FER: variants seen among roughly 807,000 people sequenced by gnomAD.
FER encodes the protein tyrosine-protein kinase Fer.
Under a neutral mutation model 111.0 loss-of-function variants are expected in FER, and 63 were observed. The ratio of observed to expected loss-of-function variants is 0.57; its 90% CI spans 0.46 to 0.70. The LOEUF (loss-of-function observed/expected upper bound fraction) is 0.70. Ranked by LOEUF, FER falls within the 30% of genes least tolerant of loss-of-function variation. FER has a pLI of 0.00. For synonymous variants in FER, 327 were observed against 313.9 expected, an observed-to-expected ratio of 1.04 and a Z score of -0.44; for missense variants, 914 against 954.0, an observed-to-expected ratio of 0.96 and a Z score of 0.55.
At chr5:108,781,511 T>G (rs1023837552) in intron 2 of FER, among the ~76,000 whole-genome samples, 61 of 152,202 alleles carry the variant, frequency 4.0e-4, no homozygotes, top group African/African-American at 1.2e-3. Context: ...TTTTTTGCCT[T>G]TTAGTGTGAC....
chr5:109,129,964 A>G (rs1393334439), intron 17 of FER, among the ~76,000 whole-genome samples: 1 of 152,030 alleles, frequency 6.6e-6, no homozygotes, highest in Non-Finnish European at 1.5e-5. Flanking sequence ...ACCAAATAAT[A>G]GTTGTAGTAT....
chr5:108,924,587 C>T, intron 10 of FER: 2 of 1,228,914 alleles, frequency 1.6e-6, no homozygotes, highest in Non-Finnish European at 2.0e-6. Flanking sequence ...CTTGCTTTTG[C>T]CTCACACAGG....
At chr5:108,780,492 C>T (rs952587590) in intron 2 of FER, among the ~76,000 whole-genome samples, 3 of 151,472 alleles carry the variant, frequency 2.0e-5, no homozygotes, top group African/African-American at 7.3e-5. Context: ...ATTCTCTTTG[C>T]TCTTTGATAG....
chr5:108,878,668 T>C (rs1219019062), intron 8 of FER, among the ~76,000 whole-genome samples: 1 of 152,140 alleles, frequency 6.6e-6, no homozygotes, highest in Non-Finnish European at 1.5e-5. Flanking sequence ...GTGGGGAACA[T>C]CTTTAAGAAA....
At chr5:109,082,443 T>C (rs961346521) in intron 16 of FER, among the ~76,000 whole-genome samples, 18 of 152,040 alleles carry the variant, frequency 1.2e-4, no homozygotes, top group African/African-American at 3.9e-4. Context: ...CTAGATAAAA[T>C]ACATGGATTT....
intron 16 of FER, among the ~76,000 whole-genome samples, chr5:109,061,122 G>A (rs1224342525): frequency 1.3e-5 from 2 of 152,008 alleles, no homozygotes; most frequent in African/African-American, 4.8e-5. Flanking sequence ...GCCTTTATAC[G>A]TGTCATTTTC....
chr5:108,894,683 G>A (rs918507199), intron 9 of FER: 5 of 223,108 alleles, frequency 2.2e-5, no homozygotes, highest in Admixed American at 1.4e-4. Flanking sequence ...AAGGAAAGAG[G>A]TTTAATTGAC....
intron 11 of FER, among the ~76,000 whole-genome samples, chr5:108,951,331 ACTC>A (rs796544572): frequency 5.9e-5 from 9 of 151,938 alleles, no homozygotes; most frequent in African/African-American, 2.2e-4. Flanking sequence ...CTGGTCTTGA[ACTC>A]CTGACTTAAG....
intron 17 of FER, among the ~76,000 whole-genome samples, chr5:109,166,268 G>T (rs574139598): frequency 6.6e-6 from 1 of 151,938 alleles, no homozygotes; most frequent in South Asian, 2.1e-4. Context: ...CTTGGAAGAG[G>T]GAAAATTTAG....
At chr5:108,855,614 T>C (rs62360776) in intron 5 of FER, among the ~76,000 whole-genome samples, 4 of 135,606 alleles carry the variant, frequency 2.9e-5, no homozygotes, top group Non-Finnish European at 6.4e-5. Context: ...AAAAAAAGAA[T>C]ACAAAAGACC....
chr5:108,966,623 T>C (rs1331195999), intron 13 of FER, among the ~76,000 whole-genome samples: 1 of 151,970 alleles, frequency 6.6e-6, no homozygotes, highest in Admixed American at 6.6e-5. Context: ...CGTGACCTCA[T>C]GATCCACCCA....
intron 17 of FER, among the ~76,000 whole-genome samples, chr5:109,125,878 T>C (rs967737596): frequency 6.6e-6 from 1 of 152,228 alleles, no homozygotes; most frequent in Non-Finnish European, 1.5e-5. Flanking sequence ...TTTTTAGGCA[T>C]CACCTGACTG....
chr5:108,789,602 TTTCTTC>T (rs112328583), intron 2 of FER, among the ~76,000 whole-genome samples: 3 of 150,448 alleles, frequency 2.0e-5, no homozygotes, highest in South Asian at 2.1e-4. Flanking sequence ...GAATTTTCTT[TTTCTTC>T]TTCTTCTTTT....
chr5:108,788,600 A>AGT (rs1294963716), intron 2 of FER, among the ~76,000 whole-genome samples: 3 of 149,058 alleles, frequency 2.0e-5, no homozygotes, highest in Non-Finnish European at 4.4e-5. Flanking sequence ...TTGCTTACTT[A>AGT]ATTTCTATCC....
intron 5 of FER, among the ~76,000 whole-genome samples, chr5:108,861,097 A>T (rs1763474226): frequency 6.6e-6 from 1 of 152,200 alleles, no homozygotes; most frequent in Non-Finnish European, 1.5e-5. Flanking sequence ...AAACCATATT[A>T]ACAAGGAATG....
intron 9 of FER, among the ~76,000 whole-genome samples, chr5:108,885,140 C>G (rs545734373): frequency 8.6e-5 from 13 of 152,036 alleles, no homozygotes; most frequent in Non-Finnish European, 1.5e-4. Context: ...ATTTATTACT[C>G]TCTCTCAGAT....
intron 17 of FER, among the ~76,000 whole-genome samples, chr5:109,158,976 A>G (rs10477955): frequency 0.38 from 57,407 of 151,972 alleles, 11,078 homozygotes; most frequent in Non-Finnish European, 0.4. Flanking sequence ...AAAGAATTTT[A>G]TGGGATTATT....
chr5:108,970,171 T>C (rs774194799), intron 13 of FER, among the ~76,000 whole-genome samples: 7 of 148,428 alleles, frequency 4.7e-5, no homozygotes, highest in Non-Finnish European at 1.0e-4. Context: ...TTATGCTTCC[T>C]AAATGAGCTG....
At chr5:108,913,995 G>C (rs1751907750) in intron 10 of FER, among the ~76,000 whole-genome samples, 1 of 152,144 alleles carries the variant, frequency 6.6e-6, no homozygotes, top group African/African-American at 2.4e-5. Flanking sequence ...CCTTGGTAGG[G>C]TGGGTGTAGT....
Sources: gnomAD v4.1 joint callset for allele counts (sites outside exome capture counted in the v4.1 genomes callset) on GRCh38, gnomAD v4.1.1 for gene constraint, MANE v1.5 for transcripts, NCBI Gene and HGNC (gene_info 2026-07-23, HGNC 2026-07-21) for gene names.